MYH10: variants seen among roughly 807,000 people sequenced by gnomAD.
The protein encoded by MYH10 is myosin-10.
Under a neutral mutation model 257.8 loss-of-function variants are expected in MYH10, and 55 were observed. That is an observed-to-expected ratio of 0.21 (90% CI 0.17 to 0.27). The LOEUF is 0.27. MYH10 is among the 10% of genes least tolerant of loss of function. MYH10 has a pLI of 1.00. For missense variants in MYH10, 1,631 were observed against 2,500.6 expected, an observed-to-expected ratio of 0.65 and a Z score of 7.42; for synonymous variants, 854 against 921.7, an observed-to-expected ratio of 0.93 and a Z score of 1.33.
At chr17:8,583,215 T>C (rs908202368) in intron 4 of MYH10, among the ~76,000 whole-genome samples, 1 of 152,226 alleles carries the variant, frequency 6.6e-6, no homozygotes, top group African/African-American at 2.4e-5. Flanking sequence ...ACATGTTCAC[T>C]TTCCTTGCAT....
Position 8,577,792 on chromosome 17 carries a change from AAAGCACTGGGATTACGGGCCTG to A in MYH10, c.531-476_531-455del, listed in dbSNP as rs1422404757. On this transcript the variant is annotated intron_variant, in intron 4 of 42. Transcript: ENST00000360416. Reference sequence around the variant, plus strand: ...AGTGATCTGCTCACCTTGGCCTTTTAAAGCACTGGGATTACGGGCCTGAGCCACTGTGCCCAGCCAACCCAAA... The same window carrying A: ...AGTGATCTGCTCACCTTGGCCTTTTAAGCCACTGTGCCCAGCCAACCCAAA... Among the ~76,000 whole-genome samples the A allele has an allele frequency of 4.0e-4, 61 of 152,262 alleles. 1 individual carries two copies. The highest frequency in any genetic ancestry group is 3.4e-3 in the Middle Eastern group (1 of 294).
chr17:8,578,724 G>A lies in MYH10; in HGVS notation c.531-1386C>T, dbSNP rs142894122. 6.2e-3 allele frequency among the ~76,000 whole-genome samples: 942 copies of A among 152,130 alleles called. 11 individuals are homozygous for A. Among genetic ancestry groups the A allele is most frequent in the African/African-American group, 0.022 (909 of 41,486 alleles). Reference sequence around the variant, plus strand: ...TCAGACAAGCTGCTACACACACAGCGAGACCTGAATTACGGCCTCTGCTCA... The same window carrying A: ...TCAGACAAGCTGCTACACACACAGCAAGACCTGAATTACGGCCTCTGCTCA... On this transcript the variant is annotated intron_variant, in intron 4 of 42. Transcript: ENST00000360416.
At chr17:8,512,425 T>C (rs150990646) in intron 24 of MYH10, 26 bp downstream of exon 24, 5 of 1,572,406 alleles carry the variant, frequency 3.2e-6, no homozygotes, top group African/African-American at 2.7e-5. Context: ...CAAAATATGC[T>C]TCTAAGTAAA....
chr17:8,599,015 T>G (rs910552114), intron 3 of MYH10, among the ~76,000 whole-genome samples: 3 of 152,228 alleles, frequency 2.0e-5, no homozygotes, highest in African/African-American at 7.2e-5. Context: ...CCTGTTGTAG[T>G]GATTTCTAAA....
intron 32 of MYH10, 72 bp from the exon 33 acceptor site, chr17:8,493,096 A>ACTGAG: frequency 6.5e-7 from 1 of 1,532,066 alleles, no homozygotes; most frequent in Non-Finnish European, 8.8e-7. Flanking sequence ...ATGGTGGCTC[A>ACTGAG]CGCCTGTAAT....
intron 2 of MYH10, among the ~76,000 whole-genome samples, chr17:8,606,448 T>C (rs1313496415): frequency 6.6e-6 from 1 of 152,018 alleles, no homozygotes; most frequent in Non-Finnish European, 1.5e-5. Context: ...CAAGAGGACA[T>C]GAAAAAAGGC....
intron 4 of MYH10, among the ~76,000 whole-genome samples, chr17:8,584,198 C>T (rs2083813097): frequency 6.6e-6 from 1 of 152,096 alleles, no homozygotes; most frequent in Admixed American, 6.5e-5. Context: ...GCTCACAAGG[C>T]CTGGCCTGAG....
intron 2 of MYH10, among the ~76,000 whole-genome samples, chr17:8,618,251 C>CTTTT (rs149959575): frequency 9.8e-5 from 14 of 142,468 alleles, no homozygotes; most frequent in African/African-American, 3.6e-4. Flanking sequence ...TTCCTTTTTT[C>CTTTT]TTTTTTTTTT....
rs2082528030 is a variant in MYH10 at position 8,548,802 on chromosome 17, A to G, written c.920-15T>C. 1.3e-6 allele frequency: 2 copies of G among 1,597,340 alleles called. No homozygotes were observed. Among genetic ancestry groups the G allele is most frequent in the Non-Finnish European group, 8.6e-7 (1 of 1,165,722 alleles). On this transcript the variant is annotated splice_polypyrimidine_tract_variant and intron_variant, in intron 9 of 42. Coordinates refer to ENST00000360416, the MANE Select transcript of MYH10 (RefSeq NM_001256012.3). ...AAGCAAATCAGCTAAAAGGAAATAT[A>G]ATGGAAGAAAATTTGATAAATACTC...
chr17:8,621,578 G>A (rs1348387587), intron 2 of MYH10, among the ~76,000 whole-genome samples: 2 of 152,146 alleles, frequency 1.3e-5, no homozygotes, highest in East Asian at 1.9e-4. Context: ...CTCTCCAGTC[G>A]CTTTCTTATC....
rs376031789 is a variant in MYH10, at chr17:8,623,226, G to A, written c.21C>T (p.Leu7=). 12 of 1,596,228 alleles carry A rather than the reference G, an allele frequency of 7.5e-6. No individual in the cohort carries two copies. The African/African-American group carries it at 9.5e-5, about 13-fold the overall frequency. MAQRTG[L]EDPERYLFVD... Reference sequence around the variant, plus strand: ...CAAAGAGATACCTCTCTGGATCCTCGAGTCCAGTTCTCTGCGCCATTGTAA... The same window carrying A: ...CAAAGAGATACCTCTCTGGATCCTCAAGTCCAGTTCTCTGCGCCATTGTAA... The change falls in exon 2 of 43, where the codon CTC becomes CTT. Residue 7 remains leucine (L), a synonymous_variant. Transcript: ENST00000360416.
At chr17:8,548,517 A>C in intron 10 of MYH10, 109 bp from the exon 11 acceptor site, 2 of 1,410,174 alleles carry the variant, frequency 1.4e-6, no homozygotes, top group South Asian at 1.4e-5. Flanking sequence ...CTTTTCAGTA[A>C]GACATGTCTT....
At chr17:8,572,843 C>T (rs1187356239) in intron 6 of MYH10, among the ~76,000 whole-genome samples, 1 of 152,196 alleles carries the variant, frequency 6.6e-6, no homozygotes, top group East Asian at 1.9e-4. Context: ...AAACCTGGTA[C>T]AAAGCCAATT....
intron 21 of MYH10, among the ~76,000 whole-genome samples, chr17:8,515,467 A>T (rs145079853): frequency 6.6e-4 from 96 of 144,498 alleles, no homozygotes; most frequent in African/African-American, 2.3e-3. Flanking sequence ...TTCATAACTG[A>T]TTTTATTCTT....
chr17:8,518,023 C>A (rs1352677271), intron 21 of MYH10, among the ~76,000 whole-genome samples: 1 of 59,056 alleles, frequency 1.7e-5, no homozygotes, highest in Non-Finnish European at 3.6e-5. Flanking sequence ...ACCCCTTGGC[C>A]CCGTGTGTGT....
At chr17:8,514,084 T>C (rs1479039420) in intron 21 of MYH10, among the ~76,000 whole-genome samples, 190 bp from the exon 22 acceptor site, 4 of 152,200 alleles carry the variant, frequency 2.6e-5, no homozygotes, top group Non-Finnish European at 5.9e-5. Context: ...CTTGTTGGCC[T>C]GCTCAGCCCA....
At chr17:8,529,740 A>G (rs942267326) in intron 17 of MYH10, among the ~76,000 whole-genome samples, 26 of 152,196 alleles carry the variant, frequency 1.7e-4, no homozygotes, top group African/African-American at 5.5e-4. Context: ...AACTTTTGAG[A>G]TGGATTTGGA....
rs1451034277 is a variant in MYH10 at position 8,552,149 on chromosome 17, G to A, written c.821-5C>T. ...CACGAGACTTTTCCAGAAGGTCTGA[G>A]CAAAGACAGTTAAGAATTAAATTAT... On this transcript the variant is annotated splice_polypyrimidine_tract_variant and splice_region_variant and intron_variant, in intron 8 of 42. Coordinates refer to ENST00000360416, the MANE Select transcript of MYH10 (RefSeq NM_001256012.3). The surrounding 1 kb of genome is among the most constrained non-coding windows in gnomAD (Gnocchi z 4.8). 1.3e-6 allele frequency: 2 copies of A among 1,486,838 alleles called. No homozygotes were observed. The highest frequency in any genetic ancestry group is 1.4e-5 in the South Asian group (1 of 69,904). 92.1% of individuals were successfully genotyped at this position (1,486,838 alleles called of 1,614,324 possible).
chr17:8,574,620 C>T (rs1343776258), intron 6 of MYH10, among the ~76,000 whole-genome samples: 1 of 152,190 alleles, frequency 6.6e-6, no homozygotes, highest in Non-Finnish European at 1.5e-5. Flanking sequence ...TAGAAATGCC[C>T]TCCCCTTTGG....
Sources: allele counts gnomAD v4.1 joint callset (sites outside exome capture counted in the v4.1 genomes callset), GRCh38; gene constraint gnomAD v4.1.1; non-coding constraint Gnocchi (gnomAD v3.1); transcripts MANE v1.5; gene names NCBI Gene and HGNC (gene_info 2026-07-23, HGNC 2026-07-21).